RPL18: variants seen among roughly 807,000 people sequenced by gnomAD.
The protein encoded by RPL18 is large ribosomal subunit protein eL18.
In RPL18, 4 loss-of-function variants were observed where a neutral mutation model predicts 25.0. The observed-to-expected ratio is 0.16, with a 90% CI of 0.08 to 0.37. RPL18 has a LOEUF of 0.37. RPL18 is among the 10% of genes least tolerant of loss of function. The pLI is 1.00. For missense variants in RPL18, 179 were observed against 267.9 expected, an observed-to-expected ratio of 0.67 and a Z score of 2.32; for synonymous variants, 129 against 101.6, an observed-to-expected ratio of 1.27 and a Z score of -1.62.
chr19:48,619,076 CT>C lies in RPL18; in HGVS notation c.3+64del, dbSNP rs1974291418. 7 of 1,570,018 alleles carry C rather than the reference CT, an allele frequency of 4.5e-6. No homozygotes were observed. The East Asian group carries it at 1.4e-4, about 31-fold the overall frequency. On this transcript the variant is annotated intron_variant, in intron 1 of 6. Coordinates refer to ENST00000549920, the MANE Select transcript of RPL18 (RefSeq NM_000979.4). ...CCCCCTGCCGCCCTCCAGCGTGCCC[CT>C]AGCCCAAAACCACGGCGGATGGCAG...
rs773319753 is a variant in RPL18, at chr19:48,619,174, AAG to A, written c.-33_-32del. The A allele has an allele frequency of 4.8e-6, 7 of 1,469,416 alleles. No homozygotes were observed. The Admixed American group carries it at 7.3e-5, about 15-fold the overall frequency. 91.0% of individuals were successfully genotyped at this position (1,469,416 alleles called of 1,614,324 possible). On this transcript the variant is annotated 5_prime_UTR_variant, in exon 1 of 7. Transcript: ENST00000549920. ...CGCCTCCTGCTCGGCCAGGTCCGGA[AAG>A]AGAGAACGGGCTGGGGTGGGCGGGG...
Position 48,617,040 on chromosome 19 carries a change from G to C in RPL18, c.199-216C>G, listed in dbSNP as rs559508744. The C allele has an allele frequency of 1.5e-4, 105 of 702,358 alleles. 1 individual carries two copies. In the African/African-American group the frequency reaches 1.7e-3, roughly 11 times the overall value. The allele number at this position is 702,358 out of a possible 1,614,324, so 43.5% of individuals were successfully genotyped here. On this transcript the variant is annotated intron_variant, in intron 3 of 6. Transcript: ENST00000549920. ...GTTCAATAGGGCCTCCCTCAGCAGA[G>C]CCTTTGACATAAAACTCAGTTATGA...
intron 3 of RPL18, 117 bp from the exon 4 acceptor site, chr19:48,616,941 C>A: frequency 1.3e-6 from 1 of 773,094 alleles, no homozygotes; most frequent in East Asian, 2.6e-5. Context: ...ACTCACACCA[C>A]ACCCCTTAAA....
chr19:48,617,338 G>A lies in RPL18; in HGVS notation c.176C>T (p.Pro59Leu). The stretch of plus-strand genomic sequence containing the variant: ...CACCATCCGGGAAAGGGACAGAGGC[G>A]GCCGGTTGGTGCGACTCATAAACAA... Reference protein sequence around the residue: ...KRLFMSRTNRPPLSLSRMIRK... With the variant: ...KRLFMSRTNRLPLSLSRMIRK... The change falls in exon 3 of 7, where the codon CCG (proline) becomes CTG (leucine). Residue 59 changes from proline (P) to leucine (L), a missense_variant. Physicochemically the swap from Pro to Leu is moderately conservative, Grantham distance 98. Coordinates refer to ENST00000549920, the MANE Select transcript of RPL18 (RefSeq NM_000979.4). The A allele has an allele frequency of 4.3e-6, 7 of 1,614,088 alleles. No homozygotes were observed. Among genetic ancestry groups the A allele is most frequent in the Non-Finnish European group, 5.9e-6 (7 of 1,179,952 alleles).
chr19:48,617,627 G>A, intron 2 of RPL18, 164 bp downstream of exon 2: 5 of 690,768 alleles, frequency 7.2e-6, no homozygotes, highest in Non-Finnish European at 1.2e-5. Context: ...GCTGTACACA[G>A]CCTAGAGGCT....
At position 48,616,106 on chromosome 19, in the gene RPL18, T is replaced by C; in HGVS notation, c.394A>G (p.Lys132Glu). The change falls in exon 5 of 7, where the codon AAG (lysine) becomes GAG (glutamate). Residue 132 changes from lysine (K) to glutamate (E), a missense_variant. Transcript: ENST00000549920. ...GAGAGCAGGACAGTGCCACAGCCCT[T>C]AGGGGAGTCCAGGGCCAGCTGGTCG... The part of the protein sequence containing the change: ...TFDQLALDSP[K>E]GCGTVLLSGP... The C allele has an allele frequency of 6.2e-7, 1 of 1,614,100 alleles. No homozygotes were observed. The highest frequency in any genetic ancestry group is 8.5e-7 in the Non-Finnish European group (1 of 1,180,000).
intron 2 of RPL18, 125 bp from the exon 3 acceptor site, chr19:48,617,548 C>T: frequency 1.3e-6 from 1 of 799,106 alleles, no homozygotes; most frequent in African/African-American, 1.7e-5. Flanking sequence ...AACCCACCGA[C>T]CTAGAGGGAG....
chr19:48,617,857 G>C lies in RPL18; in HGVS notation c.24C>G (p.Asn8Lys). The change falls in exon 2 of 7, where the codon AAC becomes AAG. Residue 8 changes from asparagine to lysine, a missense_variant. By Grantham distance (94) the Asn-to-Lys change is moderately conservative. Transcript: ENST00000549920. ...CCTTGCGCCGAACCTTTCGGTCCTT[G>C]TTATGGCGGATGTCCACTCCCTGTG... MGVDIRHNKDRKVRRKEP... is the reference protein window; with the variant it reads MGVDIRHKKDRKVRRKEP... The C allele has an allele frequency of 1.2e-6, 2 of 1,614,074 alleles. No homozygotes were observed. Among genetic ancestry groups the C allele is most frequent in the Non-Finnish European group, 1.7e-6 (2 of 1,179,930 alleles).
At chr19:48,615,847 A>T in intron 6 of RPL18, 30 bp downstream of exon 6, 3 of 1,581,284 alleles carry the variant, frequency 1.9e-6, no homozygotes, top group Non-Finnish European at 1.7e-6. Flanking sequence ...GAGTCTGGGG[A>T]GAGGGCAGGG....
At chr19:48,619,019 A>G (rs1974287250) in intron 1 of RPL18, 122 bp downstream of exon 1, 3 of 1,035,236 alleles carry the variant, frequency 2.9e-6, no homozygotes, top group Non-Finnish European at 4.4e-6. Context: ...GGTCCCCAGT[A>G]TCGGGAATTG....
At chr19:48,617,991 A>G in intron 1 of RPL18, 114 bp from the exon 2 acceptor site, 1 of 745,536 alleles carries the variant, frequency 1.3e-6, no homozygotes, top group Non-Finnish European at 2.3e-6. Flanking sequence ...ACACCAGCTC[A>G]AATCCCAGGC....
chr19:48,615,610 G>A (rs1339291808), intron 6 of RPL18, 163 bp from the exon 7 acceptor site: 5 of 680,182 alleles, frequency 7.4e-6, no homozygotes, highest in African/African-American at 1.8e-5. Context: ...GGCTATGGAA[G>A]CACCTGCCCC....
intron 3 of RPL18, chr19:48,617,114 G>A (rs769866975): frequency 1.4e-6 from 1 of 710,870 alleles, no homozygotes; most frequent in Non-Finnish European, 2.6e-6. Context: ...CTCACAAAGA[G>A]AAGGAGAGGA....
intron 4 of RPL18, 153 bp from the exon 5 acceptor site, chr19:48,616,355 T>G (rs960588850): frequency 1.1e-6 from 1 of 888,686 alleles, no homozygotes; most frequent in African/African-American, 1.7e-5. Context: ...GCAGCAGTTC[T>G]CAACACTTCC....
At chr19:48,615,661 G>C (rs1974144580) in intron 6 of RPL18, 1 of 643,690 alleles carries the variant, frequency 1.6e-6, no homozygotes, top group Admixed American at 2.8e-5. Flanking sequence ...AAAGGCCGGT[G>C]AACTGCATGC....
intron 2 of RPL18, 105 bp downstream of exon 2, chr19:48,617,686 T>C: frequency 1.2e-6 from 1 of 865,958 alleles, no homozygotes; most frequent in Non-Finnish European, 1.9e-6. Context: ...GACCCGAGAC[T>C]GCTCTGCAGG....
intron 2 of RPL18, 123 bp from the exon 3 acceptor site, chr19:48,617,546 G>T: frequency 1.3e-6 from 1 of 795,594 alleles, no homozygotes; most frequent in Non-Finnish European, 2.1e-6. Flanking sequence ...CCAACCCACC[G>T]ACCTAGAGGG....
rs781072274 is a variant in RPL18, at chr19:48,619,151, C to T, written c.-8G>A. 6.3e-7 allele frequency: 1 copy of T among 1,598,066 alleles called. No homozygotes were observed. Among genetic ancestry groups the T allele is most frequent in the Non-Finnish European group, 8.5e-7 (1 of 1,173,226 alleles). On this transcript the variant is annotated 5_prime_UTR_variant, in exon 1 of 7. Coordinates refer to ENST00000549920, the MANE Select transcript of RPL18 (RefSeq NM_000979.4). ...GCAAAGCGAGCTCACCATGATGGCG[C>T]CTCCTGCTCGGCCAGGTCCGGAAAG... is the stretch of plus-strand genomic sequence containing the variant.
intron 6 of RPL18, 121 bp from the exon 7 acceptor site, chr19:48,615,568 T>G: frequency 1.2e-6 from 1 of 850,794 alleles, no homozygotes; most frequent in Non-Finnish European, 1.9e-6. Flanking sequence ...CTGGAAAAGC[T>G]TGGCAGAGTG....
Sources: gnomAD v4.1 joint callset for allele counts on GRCh38, gnomAD v4.1.1 for gene constraint, MANE v1.5 for transcripts, NCBI Gene and HGNC (gene_info 2026-07-23, HGNC 2026-07-21) for gene names.